Variants in PLCB3 observed in about 807,000 individuals in gnomAD.
PLCB3 encodes phospholipase C beta 3, also known as 1-phosphatidylinositol 4,5-bisphosphate phosphodiesterase beta-3.
PLCB3 carries 54 observed loss-of-function variants against 152.1 expected under a neutral mutation model. The ratio of observed to expected loss-of-function variants is 0.36; its 90% CI spans 0.29 to 0.45. PLCB3 has a LOEUF of 0.45. PLCB3 is among the 20% of genes least tolerant of loss of function. The pLI, the probability that PLCB3 is intolerant of heterozygous loss-of-function variation, is 1.00. For missense variants in PLCB3, 1,248 were observed against 1,687.5 expected (o/e 0.74, Z 4.56); for synonymous variants, 717 against 698.7 (o/e 1.03, Z -0.41).
chr11:64,258,402 T>G lies in PLCB3; in HGVS notation c.1013-71T>G, dbSNP rs2031652755. ...CTCTGCAAATCCAGCATGTCCTGGT[T>G]CCAGGTGGGGCCGGGGTGGTGAGGA... On this transcript the variant is annotated intron_variant, in intron 10 of 30. Coordinates refer to ENST00000279230, the MANE Select transcript of PLCB3 (RefSeq NM_000932.5). The surrounding 1 kb of genome is among the most constrained non-coding windows in gnomAD (Gnocchi z 7.2). 1 of 1,550,890 alleles carries G rather than the reference T, an allele frequency of 6.4e-7. No individual in the cohort carries two copies. Among genetic ancestry groups the G allele is most frequent in the African/African-American group, 1.4e-5 (1 of 73,648 alleles).
chr11:64,266,243 C>T lies in PLCB3; in HGVS notation c.3266+41C>T. ...TGTCTATGGGAAGGGCTGGGGACTT[C>T]TAGTACCAGAAGGAGGGCAGAGTCT... On this transcript the variant is annotated intron_variant, in intron 27 of 30. Transcript: ENST00000279230. The surrounding 1 kb of genome is among the most constrained non-coding windows in gnomAD (Gnocchi z 4.9). 1 of 1,613,788 alleles carries T rather than the reference C, an allele frequency of 6.2e-7. No individual in the cohort carries two copies. Among genetic ancestry groups the T allele is most frequent in the Non-Finnish European group, 8.5e-7 (1 of 1,179,884 alleles).
In PLCB3 at chr11:64,251,802, T is replaced by C. The variant is rs2031216812; in HGVS notation, c.99+54T>C. ...AATCCCGGGACTCTTTCAGTCAAGC[T>C]CGACCAGACGCTGGGGACCCCCACC... On this transcript the variant is annotated intron_variant, in intron 1 of 30. Transcript: ENST00000279230. The C allele has an allele frequency of 1.1e-5, 12 of 1,081,714 alleles. No individual in the cohort carries two copies. The Admixed American group carries it at 4.1e-4, about 37-fold the overall frequency. The allele number at this position is 1,081,714 out of a possible 1,614,324, so 67.0% of individuals were successfully genotyped here.
Position 64,262,091 on chromosome 11 carries a change from C to T in PLCB3, c.2038+15C>T. ...CCAGACCCTCGGTGAGCCCTGGCCC[C>T]CTCCATCTTGACCCCGACCCTCAGT... On this transcript the variant is annotated intron_variant, in intron 17 of 30. Transcript: ENST00000279230. The T allele has an allele frequency of 6.2e-7, 1 of 1,613,952 alleles. No homozygotes were observed. The highest frequency in any genetic ancestry group is 1.3e-5 in the African/African-American group (1 of 75,040).
chr11:64,263,549 G>T lies in PLCB3; in HGVS notation c.2407G>T (p.Gly803Cys). 5.6e-6 allele frequency: 9 copies of T among 1,599,510 alleles called. No individual in the cohort carries two copies. The highest frequency in any genetic ancestry group is 7.7e-6 in the Non-Finnish European group (9 of 1,173,170). The change falls in exon 20 of 31, where the codon GGT (glycine) becomes TGT (cysteine). Residue 803 changes from glycine (G) to cysteine (C), a missense_variant. By Grantham distance (159) the Gly-to-Cys change is radical. Transcript: ENST00000279230. ...TCGCATTGCAGCCTTTGAGGAGGGG[G>T]GTAAATTCGTAGGGCACCGGATCCT... is the stretch of plus-strand genomic sequence containing the variant. ...SLRIAAFEEGGKFVGHRILPV... is the reference protein window; with the variant it reads ...SLRIAAFEEGCKFVGHRILPV...
chr11:64,263,896 T>C, intron 21 of PLCB3, 101 bp downstream of exon 21: 3 of 1,193,928 alleles, frequency 2.5e-6, no homozygotes, highest in Non-Finnish European at 3.7e-6. Context: ...CCCGACTGAG[T>C]AGGGAACTGA....
In PLCB3 at chr11:64,254,294, G is replaced by C. The variant is rs562003899; in HGVS notation, c.100-121G>C. 72 of 790,222 alleles carry C rather than the reference G, an allele frequency of 9.1e-5. No homozygotes were observed. The South Asian group carries it at 1.0e-3, about 11-fold the overall frequency. The allele number at this position is 790,222 out of a possible 1,614,324, so 49.0% of individuals were successfully genotyped here. On this transcript the variant is annotated intron_variant, in intron 1 of 30. Coordinates refer to ENST00000279230, the MANE Select transcript of PLCB3 (RefSeq NM_000932.5). ...GCAGCCACACAGGACCTGTGGACTG[G>C]ATGAGGTTTCGTCTTAGCTCATGGG...
Position 64,267,511 on chromosome 11 carries a change from G to A in PLCB3, c.3660G>A (p.Leu1220=). 1 of 1,569,498 alleles carries A rather than the reference G, an allele frequency of 6.4e-7. No homozygotes were observed. The highest frequency in any genetic ancestry group is 8.6e-7 in the Non-Finnish European group (1 of 1,161,712). The change falls in exon 31 of 31, where the codon CTG becomes CTA. Residue 1220 remains leucine (L), a synonymous_variant. Coordinates refer to ENST00000279230, the MANE Select transcript of PLCB3 (RefSeq NM_000932.5). This position sits in a 1 kb window ranked among gnomAD's most constrained non-coding sequence, Gnocchi z 5.2. ...NGHAPGSSGH[L]SGADSESQEE... is the part of the protein sequence containing the mutation. Reference sequence around the variant, plus strand: ...ACGCACCCGGGAGCAGCGGGCACCTGTCGGGCGCTGACTCGGAGAGCCAGG... The same window carrying A: ...ACGCACCCGGGAGCAGCGGGCACCTATCGGGCGCTGACTCGGAGAGCCAGG...
At chr11:64,264,485 G>A (rs145791663) in intron 22 of PLCB3, among the ~76,000 whole-genome samples, 12 of 152,332 alleles carry the variant, frequency 7.9e-5, no homozygotes, top group Admixed American at 7.8e-4. Context: ...AGTCCCCCCA[G>A]GGCCTGCGGC....
At chr11:64,264,150 C>A (rs771037187) in intron 22 of PLCB3, 38 bp downstream of exon 22, 46 of 1,370,200 alleles carry the variant, frequency 3.4e-5, no homozygotes, top group Admixed American at 4.8e-5. Flanking sequence ...CTCACTGTGA[C>A]CCAGGGGGCC....
rs2031905983 is a variant in PLCB3, at chr11:64,262,503, T to G, written c.2135T>G (p.Phe712Cys). ...TTCATGCGGCGGCCGGACAAGTCCTTCGACCCCTTCACTGAGGTCATCGTG... is the reference window on the plus strand; with the variant it reads ...TTCATGCGGCGGCCGGACAAGTCCTGCGACCCCTTCACTGAGGTCATCGTG... ...PEFMRRPDKS[F>C]DPFTEVIVDG... The change falls in exon 18 of 31, where the codon TTC (phenylalanine) becomes TGC (cysteine). Residue 712 changes from phenylalanine to cysteine, a missense_variant. Around this residue, in one of 6 missense-constraint regions of PLCB3, gnomAD observed 244 missense variants for 424.4 expected, o/e 0.57. Transcript: ENST00000279230. 1 of 1,614,022 alleles carries G rather than the reference T, an allele frequency of 6.2e-7. No homozygotes were observed. Among genetic ancestry groups the G allele is most frequent in the Non-Finnish European group, 8.5e-7 (1 of 1,180,024 alleles).
intron 1 of PLCB3, among the ~76,000 whole-genome samples, chr11:64,252,343 CT>C (rs1315283200): frequency 6.6e-6 from 1 of 152,142 alleles, no homozygotes; most frequent in Non-Finnish European, 1.5e-5. Context: ...TCCTCCACCC[CT>C]GGGAACTTTG....
chr11:64,265,790 C>A, intron 25 of PLCB3, 96 bp from the exon 26 acceptor site: 2 of 1,451,944 alleles, frequency 1.4e-6, no homozygotes, highest in Non-Finnish European at 1.9e-6. Flanking sequence ...GGGATGGTGT[C>A]TGCCATCGCT....
chr11:64,260,392 G>A (rs1159754510), intron 14 of PLCB3, among the ~76,000 whole-genome samples, 158 bp downstream of exon 14: 1 of 152,152 alleles, frequency 6.6e-6, no homozygotes, highest in African/African-American at 2.4e-5. Flanking sequence ...CATCAGGCAT[G>A]GAAACAAGCA....
In PLCB3 at chr11:64,258,374, G is replaced by T. The variant is rs554546498; in HGVS notation, c.1013-99G>T. The stretch of plus-strand genomic sequence containing the variant: ...TGGGTATCCATCTGAGAGATGGAGA[G>T]CCCTCTGCAAATCCAGCATGTCCTG... On this transcript the variant is annotated intron_variant, in intron 10 of 30. Coordinates refer to ENST00000279230, the MANE Select transcript of PLCB3 (RefSeq NM_000932.5). This position sits in a 1 kb window ranked among gnomAD's most constrained non-coding sequence, Gnocchi z 7.2. The T allele has an allele frequency of 4.4e-6, 6 of 1,351,156 alleles. No homozygotes were observed. In the South Asian group the frequency reaches 6.7e-5, roughly 15 times the overall value. The allele number at this position is 1,351,156 out of a possible 1,614,324, so 83.7% of individuals were successfully genotyped here.
At position 64,267,560 on chromosome 11, in the gene PLCB3, G is replaced by C. The variant is rs1003963230; in HGVS notation, c.*4G>C. Reference sequence around the variant, plus strand: ...GGAGGAGAACACGCAGCTCTGAACTGGCTGAGCGAGGTGGCCACAGGGCCA... The same window carrying C: ...GGAGGAGAACACGCAGCTCTGAACTCGCTGAGCGAGGTGGCCACAGGGCCA... On this transcript the variant is annotated 3_prime_UTR_variant, in exon 31 of 31. Coordinates refer to ENST00000279230, the MANE Select transcript of PLCB3 (RefSeq NM_000932.5). This position sits in a 1 kb window ranked among gnomAD's most constrained non-coding sequence, Gnocchi z 5.2. 7 of 1,558,062 alleles carry C rather than the reference G, an allele frequency of 4.5e-6. No individual in the cohort carries two copies. The highest frequency in any genetic ancestry group is 5.2e-6 in the Non-Finnish European group (6 of 1,156,906).
chr11:64,266,668 C>A lies in PLCB3; in HGVS notation c.3414+116C>A. Reference sequence around the variant, plus strand: ...CTCAAGGTTCTTCTAGGGCCTTTCTCAAGTGCCCAACAGCCCCAGGGTACC... The same window carrying A: ...CTCAAGGTTCTTCTAGGGCCTTTCTAAAGTGCCCAACAGCCCCAGGGTACC... On this transcript the variant is annotated intron_variant, in intron 29 of 30. Transcript: ENST00000279230. The surrounding 1 kb of genome is among the most constrained non-coding windows in gnomAD (Gnocchi z 4.9). The A allele has an allele frequency of 1.0e-6, 1 of 985,974 alleles. No homozygotes were observed. Among genetic ancestry groups the A allele is most frequent in the South Asian group, 1.4e-5 (1 of 72,940 alleles). 61.1% of individuals were successfully genotyped at this position (985,974 alleles called of 1,614,324 possible).
At chr11:64,262,900 G>A (rs1157929390) in intron 19 of PLCB3, 92 bp downstream of exon 19, 13 of 1,333,764 alleles carry the variant, frequency 9.7e-6, no homozygotes, top group African/African-American at 2.9e-5. Flanking sequence ...CAGGCACACC[G>A]TTGGCGACTG....
Position 64,265,005 on chromosome 11 carries a change from C to CA in PLCB3, c.2708dup (p.Pro904AlafsTer36). Reference sequence around the variant, plus strand: ...CACCCAGTCTCAGCAGCTGGGGTCTCAGCCGTCCTCAAACCCCACCCCCAG... The same window carrying CA: ...CACCCAGTCTCAGCAGCTGGGGTCTCAAGCCGTCCTCAAACCCCACCCCCAG... On this transcript the variant is annotated frameshift_variant, in exon 23 of 31. Coordinates refer to ENST00000279230, the MANE Select transcript of PLCB3 (RefSeq NM_000932.5). LOFTEE classifies it high-confidence loss of function. 1 of 1,610,776 alleles carries CA rather than the reference C, an allele frequency of 6.2e-7. No individual in the cohort carries two copies. The highest frequency in any genetic ancestry group is 8.5e-7 in the Non-Finnish European group (1 of 1,179,300).
In PLCB3 at chr11:64,265,466, A is replaced by T. The variant is rs1039253489; in HGVS notation, c.2999A>T (p.Gln1000Leu). The stretch of plus-strand genomic sequence containing the variant: ...CTGCTGGATGGCCTGGCTCAGGCAC[A>T]GGCTGAGGGCAGGTGCCGGCTGCGG... ...RRLLDGLAQA[Q>L]AEGRCRLRPG... The change falls in exon 25 of 31, where the codon CAG becomes CTG. Residue 1000 changes from glutamine (Q) to leucine (L), a missense_variant. Coordinates refer to ENST00000279230, the MANE Select transcript of PLCB3 (RefSeq NM_000932.5). 1.9e-6 allele frequency: 3 copies of T among 1,607,820 alleles called. No homozygotes were observed. Among genetic ancestry groups the T allele is most frequent in the Non-Finnish European group, 8.5e-7 (1 of 1,179,504 alleles).
Sources: allele counts gnomAD v4.1 joint callset (sites outside exome capture counted in the v4.1 genomes callset), GRCh38; gene constraint gnomAD v4.1.1; regional missense constraint gnomAD v4.1.1; non-coding constraint Gnocchi (gnomAD v3.1); transcripts MANE v1.5; gene names NCBI Gene and HGNC (gene_info 2026-07-23, HGNC 2026-07-21).